PLXDC2: variants seen among roughly 807,000 people sequenced by gnomAD.
The protein encoded by PLXDC2 is plexin domain-containing protein 2.
A neutral mutation model predicts 68.9 loss-of-function variants in PLXDC2; 40 were observed. The observed-to-expected ratio is 0.58, with a 90% CI of 0.45 to 0.76. PLXDC2 has a LOEUF of 0.76. PLXDC2 is among the 30% of genes least tolerant of loss of function. The pLI, the probability that PLXDC2 is intolerant of heterozygous loss-of-function variation, is 0.00. For synonymous variants in PLXDC2, 243 were observed against 234.2 expected (o/e 1.04, Z -0.34); for missense variants, 644 against 661.9 (o/e 0.97, Z 0.30).
chr10:20,252,118 G>A (rs1203978107), intron 13 of PLXDC2, among the ~76,000 whole-genome samples: 1 of 152,104 alleles, frequency 6.6e-6, no homozygotes, highest in Admixed American at 6.5e-5. Context: ...GACTGATATC[G>A]TGCAAGGGCA....
intron 1 of PLXDC2, among the ~76,000 whole-genome samples, chr10:20,000,176 G>C (rs1361022796): frequency 1.3e-5 from 2 of 152,146 alleles, no homozygotes; most frequent in African/African-American, 2.4e-5. Context: ...ATTTTCTACA[G>C]TGACGATGAC....
intron 9 of PLXDC2, among the ~76,000 whole-genome samples, chr10:20,190,221 A>G (rs964966883): frequency 2.0e-5 from 3 of 151,952 alleles, no homozygotes; most frequent in African/African-American, 7.2e-5. Flanking sequence ...AACAAATTCA[A>G]TCTAACAAAC....
intron 1 of PLXDC2, among the ~76,000 whole-genome samples, chr10:19,844,498 C>T (rs889787027): frequency 3.3e-5 from 5 of 152,100 alleles, no homozygotes; most frequent in Admixed American, 2.6e-4. Flanking sequence ...TCAAAGGCTA[C>T]AGGAATGAGG....
chr10:20,180,132 G>A (rs968072141), intron 9 of PLXDC2, among the ~76,000 whole-genome samples: 3 of 151,974 alleles, frequency 2.0e-5, no homozygotes, highest in African/African-American at 7.2e-5. Context: ...TAAGACTTTT[G>A]CATATTATTG....
Position 19,973,079 on chromosome 10 carries a change from G to A in PLXDC2, c.113-28696G>A, listed in dbSNP as rs1448367289. ...ATTTTTAACTTAGAGTCCTTAATGA[G>A]ATTTAAAAAGAGTTTTTGGCTTTGA... On this transcript the variant is annotated intron_variant, in intron 1 of 13. Transcript: ENST00000377252. Among the ~76,000 whole-genome samples the A allele has an allele frequency of 2.0e-5, 3 of 151,762 alleles. No homozygotes were observed. In the East Asian group the frequency reaches 5.8e-4, roughly 29 times the overall value.
intron 12 of PLXDC2, among the ~76,000 whole-genome samples, chr10:20,226,367 T>C (rs548451823): frequency 6.6e-6 from 1 of 152,330 alleles, no homozygotes; most frequent in South Asian, 2.1e-4. Context: ...AATTCTTCTT[T>C]TTCCAGTGTG....
chr10:20,218,075 T>C (rs1334812960), intron 11 of PLXDC2, among the ~76,000 whole-genome samples: 1 of 152,154 alleles, frequency 6.6e-6, no homozygotes, highest in East Asian at 1.9e-4. Context: ...GTATGTGTCA[T>C]AGAAATTGTC....
intron 11 of PLXDC2, among the ~76,000 whole-genome samples, chr10:20,218,237 T>A (rs1486664717): frequency 6.6e-6 from 1 of 152,114 alleles, no homozygotes; most frequent in African/African-American, 2.4e-5. Context: ...GGCAGAAACA[T>A]AAGACTGGCC....
At chr10:20,023,866 G>T (rs967998869) in intron 2 of PLXDC2, among the ~76,000 whole-genome samples, 3 of 151,992 alleles carry the variant, frequency 2.0e-5, no homozygotes, top group Non-Finnish European at 4.4e-5. Context: ...ACAGAGACAG[G>T]GTAGAAAAGA....
intron 1 of PLXDC2, among the ~76,000 whole-genome samples, chr10:19,923,810 T>A (rs1279030215): frequency 6.6e-6 from 1 of 152,256 alleles, no homozygotes; most frequent in Non-Finnish European, 1.5e-5. Context: ...ATGCCTGTAA[T>A]CCCAGCACTT....
intron 13 of PLXDC2, among the ~76,000 whole-genome samples, 195 bp downstream of exon 13, chr10:20,245,700 GT>G (rs1314207896): frequency 2.6e-5 from 4 of 152,194 alleles, no homozygotes; most frequent in African/African-American, 9.6e-5. Context: ...GATGGATTCA[GT>G]TACCTTATCT....
chr10:19,875,649 A>T (rs1837617746), intron 1 of PLXDC2, among the ~76,000 whole-genome samples: 1 of 152,242 alleles, frequency 6.6e-6, no homozygotes, highest in Non-Finnish European at 1.5e-5. Flanking sequence ...GCTCAGCTGA[A>T]CATAAATAGG....
Position 20,001,616 on chromosome 10 carries a change from G to A in PLXDC2, c.113-159G>A, listed in dbSNP as rs76938900. Among the ~76,000 whole-genome samples, 621 of 152,256 alleles carry A rather than the reference G, an allele frequency of 4.1e-3. 1 individual carries two copies. The highest frequency in any genetic ancestry group is 0.014 in the African/African-American group (596 of 41,544). On this transcript the variant is annotated intron_variant, in intron 1 of 13. Transcript: ENST00000377252. ...AATTGCATTCCAATCAGAGATGTTC[G>A]TACCAGCTCAAGATATTGCAAGTAA...
rs1368519917 is a variant in PLXDC2 at position 20,282,430 on chromosome 10, T to C, written c.*2611T>C. 1.3e-5 allele frequency: 2 copies of C among 152,122 alleles called. No individual in the cohort carries two copies. Among genetic ancestry groups the C allele is most frequent in the Non-Finnish European group, 2.9e-5 (2 of 68,022 alleles). 9.4% of individuals were successfully genotyped at this position (152,122 alleles called of 1,614,324 possible). On this transcript the variant is annotated 3_prime_UTR_variant, in exon 14 of 14. Coordinates refer to ENST00000377252, the MANE Select transcript of PLXDC2 (RefSeq NM_032812.9). ...CAACTGTACATTACTTAATATACTATGAACATAATAGAATAACAAAAAAAG... is the reference window on the plus strand; with the variant it reads ...CAACTGTACATTACTTAATATACTACGAACATAATAGAATAACAAAAAAAG...
At chr10:20,219,184 G>T in intron 12 of PLXDC2, 82 bp downstream of exon 12, 1 of 1,392,728 alleles carries the variant, frequency 7.2e-7, no homozygotes, top group Non-Finnish European at 9.8e-7. Context: ...AAGGCAATAC[G>T]GGCTTCTAGA....
intron 1 of PLXDC2, among the ~76,000 whole-genome samples, chr10:19,828,495 C>G (rs1836619184): frequency 6.6e-6 from 1 of 152,190 alleles, no homozygotes; most frequent in Non-Finnish European, 1.5e-5. Context: ...GCTTGGTGAT[C>G]TGAGTATTTT....
chr10:20,243,887 C>A (rs1835553085), intron 12 of PLXDC2, among the ~76,000 whole-genome samples: 1 of 151,958 alleles, frequency 6.6e-6, no homozygotes, highest in African/African-American at 2.4e-5. Context: ...GGTTTAACCC[C>A]ATCTCTACTA....
In PLXDC2 at chr10:20,284,405, T is replaced by TTGTGTGTG. The variant is rs1214983469; in HGVS notation, c.*4587_*4588insGTGTGTGT. On this transcript the variant is annotated 3_prime_UTR_variant, in exon 14 of 14. Transcript: ENST00000377252. ...GTATATTTGATAGAGATGATAGCAA[T>TTGTGTGTG]TATGTGTGTGTGTGTGTGTGTGTGT... is the stretch of plus-strand genomic sequence containing the variant. The TTGTGTGTG allele has an allele frequency of 2.1e-4, 19 of 91,526 alleles. No homozygotes were observed. Among genetic ancestry groups the TTGTGTGTG allele is most frequent in the East Asian group, 1.5e-3 (3 of 1,956 alleles). The allele number at this position is 91,526 out of a possible 1,614,324, so 5.7% of individuals were successfully genotyped here.
rs750470750 is a variant in PLXDC2, at chr10:20,143,311, A to G, written c.558A>G (p.Gly186=). 1 of 1,612,644 alleles carries G rather than the reference A, an allele frequency of 6.2e-7. No individual in the cohort carries two copies. ...TAATTCTAGGTTTCATATACACTGGAGAAGTCGTACATCGAATGCTAACAG... is the reference window on the plus strand; with the variant it reads ...TAATTCTAGGTTTCATATACACTGGGGAAGTCGTACATCGAATGCTAACAG... ...TVATGGFIYT[G]EVVHRMLTAT... The change falls in exon 5 of 14, where the codon GGA becomes GGG. Residue 186 remains glycine, a synonymous_variant. Coordinates refer to ENST00000377252, the MANE Select transcript of PLXDC2 (RefSeq NM_032812.9).
Sources: gnomAD v4.1 joint callset for allele counts (sites outside exome capture counted in the v4.1 genomes callset) on GRCh38, gnomAD v4.1.1 for gene constraint, MANE v1.5 for transcripts, NCBI Gene and HGNC (gene_info 2026-07-23, HGNC 2026-07-21) for gene names.